ATRNL1: variants seen among roughly 807,000 people sequenced by gnomAD.
The protein encoded by ATRNL1 is attractin-like protein 1.
A neutral mutation model predicts 182.7 loss-of-function variants in ATRNL1; 95 were observed. The ratio of observed to expected loss-of-function variants is 0.52; its 90% CI spans 0.44 to 0.62. ATRNL1 has a LOEUF of 0.62. ATRNL1 is among the 20% of genes least tolerant of loss of function. ATRNL1 has a pLI of 0.00. For synonymous variants in ATRNL1, 576 were observed against 568.3 expected, an observed-to-expected ratio of 1.01 and a Z score of -0.19; for missense variants, 1,471 against 1,679.5, an observed-to-expected ratio of 0.88 and a Z score of 2.17.
chr10:115,540,715 C>T (rs1554991713), intron 25 of ATRNL1, among the ~76,000 whole-genome samples: 1 of 149,784 alleles, frequency 6.7e-6, no homozygotes, highest in Non-Finnish European at 1.5e-5. Flanking sequence ...TAAGATCATG[C>T]CATTGCACTC....
intron 19 of ATRNL1, among the ~76,000 whole-genome samples, chr10:115,336,580 G>T (rs550708146): frequency 6.6e-6 from 1 of 152,264 alleles, no homozygotes; most frequent in East Asian, 1.9e-4. Context: ...ATTACAATTT[G>T]TGTGTCTCTG....
chr10:115,426,792 T>G (rs1328239741), intron 21 of ATRNL1, among the ~76,000 whole-genome samples: 1 of 152,162 alleles, frequency 6.6e-6, no homozygotes, highest in Admixed American at 6.5e-5. Context: ...CGGCACAATC[T>G]CAGTTCACTG....
chr10:115,425,793 A>AT (rs1226810500), intron 20 of ATRNL1, among the ~76,000 whole-genome samples: 1 of 151,878 alleles, frequency 6.6e-6, no homozygotes, highest in African/African-American at 2.4e-5. Flanking sequence ...GGTGTAGAAA[A>AT]TTTTTTTAAC....
intron 28 of ATRNL1, among the ~76,000 whole-genome samples, chr10:115,858,210 T>G (rs1365793106): frequency 6.6e-6 from 1 of 152,184 alleles, no homozygotes; most frequent in Non-Finnish European, 1.5e-5. Context: ...CAAAGGAATA[T>G]AAATAATTCT....
intron 27 of ATRNL1, among the ~76,000 whole-genome samples, chr10:115,796,378 C>T (rs945005827): frequency 2.0e-5 from 3 of 151,976 alleles, no homozygotes; most frequent in Admixed American, 6.6e-5. Flanking sequence ...CTCTGCTGCC[C>T]CTAATGGCTT....
chr10:115,435,412 TGGGATGACACAGCAA>T (rs1418685975), intron 21 of ATRNL1, among the ~76,000 whole-genome samples: 8 of 152,176 alleles, frequency 5.3e-5, no homozygotes, highest in African/African-American at 1.9e-4. Flanking sequence ...CCTTCTGCCA[TGGGATGACACAGCAA>T]GAAGGCCCTC....
chr10:115,549,095 G>T (rs145360750), intron 25 of ATRNL1, among the ~76,000 whole-genome samples: 1 of 152,028 alleles, frequency 6.6e-6, no homozygotes, highest in African/African-American at 2.4e-5. Flanking sequence ...ATGTACATGT[G>T]TGACGTTTGG....
chr10:115,470,229 A>T (rs1848240845), intron 24 of ATRNL1, among the ~76,000 whole-genome samples: 1 of 149,796 alleles, frequency 6.7e-6, no homozygotes, highest in Non-Finnish European at 1.5e-5. Context: ...ACTGGAAAAA[A>T]TTTTTCTTCT....
intron 20 of ATRNL1, among the ~76,000 whole-genome samples, chr10:115,398,589 C>G (rs114429044): frequency 0.017 from 2,544 of 152,122 alleles, 76 homozygotes; most frequent in African/African-American, 0.057. Flanking sequence ...TGTTTATCAG[C>G]TGAAGAAGCT....
At chr10:115,185,833 C>G (rs937425946) in intron 8 of ATRNL1, among the ~76,000 whole-genome samples, 3 of 151,988 alleles carry the variant, frequency 2.0e-5, no homozygotes, top group Non-Finnish European at 2.9e-5. Context: ...ACATCACAAA[C>G]TAAGGGGAAT....
At chr10:115,291,607 C>G (rs1376338978) in intron 15 of ATRNL1, among the ~76,000 whole-genome samples, 58 of 152,014 alleles carry the variant, frequency 3.8e-4, no homozygotes. Flanking sequence ...TTTGCTGCAT[C>G]TATTGAGATG....
intron 25 of ATRNL1, among the ~76,000 whole-genome samples, chr10:115,543,245 A>G (rs1372608421): frequency 1.3e-5 from 2 of 152,206 alleles, no homozygotes; most frequent in Non-Finnish European, 2.9e-5. Flanking sequence ...ATTATTTACC[A>G]CATTCAGCCA....
chr10:115,372,436 C>A (rs1857447757), intron 19 of ATRNL1, among the ~76,000 whole-genome samples: 1 of 152,040 alleles, frequency 6.6e-6, no homozygotes, highest in African/African-American at 2.4e-5. Flanking sequence ...CTTTTGGGAC[C>A]ATGTTCAAAA....
chr10:115,658,601 A>G (rs139102432), intron 26 of ATRNL1, among the ~76,000 whole-genome samples: 191 of 152,208 alleles, frequency 1.3e-3, no homozygotes, highest in Non-Finnish European at 2.0e-3. Context: ...TCCAGGGGGT[A>G]TAGTATCCTC....
At chr10:115,817,449 G>A (rs1950190684) in intron 27 of ATRNL1, among the ~76,000 whole-genome samples, 1 of 151,946 alleles carries the variant, frequency 6.6e-6, no homozygotes, top group African/African-American at 2.4e-5. Context: ...TATAAAATAT[G>A]GCACTAGGGC....
chr10:115,257,199 C>A (rs2133859591), intron 10 of ATRNL1, among the ~76,000 whole-genome samples: 1 of 151,824 alleles, frequency 6.6e-6, no homozygotes, highest in Admixed American at 6.6e-5. Context: ...TAACCTCTCT[C>A]ATTGATCTCT....
chr10:115,487,851 A>G (rs1849101256), intron 24 of ATRNL1, among the ~76,000 whole-genome samples: 1 of 152,110 alleles, frequency 6.6e-6, no homozygotes. Flanking sequence ...ATTCAGTATG[A>G]TATTGGCTGT....
At chr10:115,498,149 A>C (rs1849644293) in intron 24 of ATRNL1, among the ~76,000 whole-genome samples, 1 of 152,196 alleles carries the variant, frequency 6.6e-6, no homozygotes, top group Admixed American at 6.6e-5. Context: ...CCCATGACTT[A>C]AGAAAATAAT....
At chr10:115,538,166 A>C (rs572903494) in intron 25 of ATRNL1, among the ~76,000 whole-genome samples, 1 of 152,354 alleles carries the variant, frequency 6.6e-6, no homozygotes, top group African/African-American at 2.4e-5. Context: ...ATCAACATAC[A>C]TACAAGTTTT....
Sources: gnomAD v4.1 joint callset for allele counts (sites outside exome capture counted in the v4.1 genomes callset) on GRCh38, gnomAD v4.1.1 for gene constraint, MANE v1.5 for transcripts, NCBI Gene and HGNC (gene_info 2026-07-23, HGNC 2026-07-21) for gene names.